Variants in SLIT3 observed in about 807,000 individuals in gnomAD.
The protein encoded by SLIT3 is slit homolog 3 protein.
In SLIT3, 68 loss-of-function variants were observed where a neutral mutation model predicts 184.0. The ratio of observed to expected loss-of-function variants is 0.37; its 90% CI spans 0.30 to 0.45. The LOEUF (loss-of-function observed/expected upper bound fraction) is 0.45, where lower values mean the gene tolerates loss of function less well. Ranked by LOEUF, SLIT3 falls within the 20% of genes least tolerant of loss-of-function variation. SLIT3 has a pLI of 1.00. For missense variants in SLIT3, 1,707 were observed against 2,026.0 expected (o/e 0.84, Z 3.02); for synonymous variants, 831 against 828.6 (o/e 1.00, Z -0.05).
intron 4 of SLIT3, among the ~76,000 whole-genome samples, chr5:168,952,643 G>C (rs1252777154): frequency 6.6e-6 from 1 of 150,378 alleles, no homozygotes; most frequent in Non-Finnish European, 1.5e-5. Flanking sequence ...AGAAAGAAAG[G>C]GCAAGGGTAG....
chr5:168,952,266 T>C (rs898656820), intron 4 of SLIT3, among the ~76,000 whole-genome samples: 2 of 152,174 alleles, frequency 1.3e-5, no homozygotes, highest in African/African-American at 4.8e-5. Context: ...CATAAATATA[T>C]GCAAAGACCA....
intron 16 of SLIT3, among the ~76,000 whole-genome samples, 193 bp from the exon 17 acceptor site, chr5:168,754,200 TG>T (rs1361012569): frequency 6.6e-6 from 1 of 152,176 alleles, no homozygotes; most frequent in Non-Finnish European, 1.5e-5. Flanking sequence ...GCAGGGACCC[TG>T]GCCCTATACA....
chr5:168,711,707 C>T (rs965803883), intron 24 of SLIT3, among the ~76,000 whole-genome samples: 1 of 152,114 alleles, frequency 6.6e-6, no homozygotes, highest in African/African-American at 2.4e-5. Flanking sequence ...GTAGAGATTC[C>T]TGATCTGTGG....
intron 4 of SLIT3, among the ~76,000 whole-genome samples, chr5:169,040,621 A>G (rs1757415834): frequency 6.6e-6 from 1 of 152,204 alleles, no homozygotes; most frequent in Admixed American, 6.5e-5. Context: ...ATGTATCTTC[A>G]TCTGGATTCC....
intron 3 of SLIT3, among the ~76,000 whole-genome samples, chr5:169,239,387 A>T (rs188990327): frequency 6.6e-6 from 1 of 152,248 alleles, no homozygotes. Flanking sequence ...ATGAGTTTGT[A>T]TTAAGTTGCT....
At chr5:169,151,725 C>T (rs1018727226) in intron 4 of SLIT3, among the ~76,000 whole-genome samples, 2 of 152,328 alleles carry the variant, frequency 1.3e-5, no homozygotes, top group Non-Finnish European at 1.5e-5. Context: ...GTACTAGGGT[C>T]GGCTCCTTTT....
At chr5:168,763,799 C>T (rs1422729855) in intron 14 of SLIT3, among the ~76,000 whole-genome samples, 1 of 152,180 alleles carries the variant, frequency 6.6e-6, no homozygotes, top group Non-Finnish European at 1.5e-5. Flanking sequence ...CAACATTTCA[C>T]TAGCACAATG....
rs1242774563 is a variant in SLIT3 at position 168,671,314 on chromosome 5, C to A, written c.4011G>T (p.Val1337=). ...CGGAGCGGCACAGGCCGTGCTTGCA[C>A]ACGGTGCAGGACTTGCAGCCTGGTG... ...GVSPGCKSCT[V]CKHGLCRSVE... is the part of the protein sequence containing the mutation. The change falls in exon 34 of 36, where the codon GTG becomes GTT. Residue 1337 remains valine (V), a synonymous_variant. Coordinates refer to ENST00000519560, the MANE Select transcript of SLIT3 (RefSeq NM_003062.4). The A allele has an allele frequency of 1.2e-6, 2 of 1,614,000 alleles. No individual in the cohort carries two copies. The highest frequency in any genetic ancestry group is 4.5e-5 in the East Asian group (2 of 44,886).
intron 3 of SLIT3, among the ~76,000 whole-genome samples, chr5:169,233,439 C>A (rs1765082324): frequency 6.7e-6 from 1 of 149,806 alleles, no homozygotes; most frequent in Non-Finnish European, 1.5e-5. Context: ...ACCTTGTGTC[C>A]AGTGACCTTA....
At chr5:168,731,599 A>G (rs1019810077) in intron 20 of SLIT3, among the ~76,000 whole-genome samples, 1 of 152,082 alleles carries the variant, frequency 6.6e-6, no homozygotes, top group Non-Finnish European at 1.5e-5. Flanking sequence ...TCAAAAAGAT[A>G]ATAGACCATG....
At chr5:168,830,169 T>C (rs35758541) in intron 6 of SLIT3, among the ~76,000 whole-genome samples, 54,535 of 151,842 alleles carry the variant, frequency 0.36, 10,243 homozygotes, top group South Asian at 0.47. Context: ...GTGGACTTGG[T>C]CCCAGGAGAG....
At chr5:168,727,549 A>T (rs537491717) in intron 20 of SLIT3, among the ~76,000 whole-genome samples, 1 of 152,266 alleles carries the variant, frequency 6.6e-6, no homozygotes, top group East Asian at 1.9e-4. Context: ...GACAGGGTAG[A>T]TCACGCTGAG....
intron 19 of SLIT3, 150 bp downstream of exon 19, chr5:168,749,322 G>C (rs28608684): frequency 6.2e-6 from 5 of 812,964 alleles, no homozygotes; most frequent in Non-Finnish European, 9.6e-6. Context: ...ATGTGGGCTA[G>C]TAGCAGATCT....
intron 28 of SLIT3, among the ~76,000 whole-genome samples, chr5:168,694,856 T>G (rs1762006466): frequency 6.6e-6 from 1 of 152,192 alleles, no homozygotes; most frequent in Admixed American, 6.5e-5. Context: ...TGATCTCAGG[T>G]GATCTGCCTG....
intron 1 of SLIT3, among the ~76,000 whole-genome samples, chr5:169,281,159 G>C (rs1766979021): frequency 6.6e-6 from 1 of 152,180 alleles, no homozygotes; most frequent in Non-Finnish European, 1.5e-5. Context: ...ACTAGAAATA[G>C]ATTTGTATAT....
intron 8 of SLIT3, among the ~76,000 whole-genome samples, chr5:168,810,769 G>A (rs1757134284): frequency 6.6e-6 from 1 of 152,182 alleles, no homozygotes; most frequent in African/African-American, 2.4e-5. Context: ...GAGCCTGGGA[G>A]AATGGAGGCC....
At chr5:168,671,107 A>G (rs2113170964) in intron 34 of SLIT3, 91 bp downstream of exon 34, 3 of 1,414,650 alleles carry the variant, frequency 2.1e-6, no homozygotes, top group African/African-American at 2.8e-5. Flanking sequence ...CAACTCCTCC[A>G]GCCTCCAGTA....
At chr5:169,075,229 C>A (rs1758695972) in intron 4 of SLIT3, among the ~76,000 whole-genome samples, 1 of 152,082 alleles carries the variant, frequency 6.6e-6, no homozygotes, top group African/African-American at 2.4e-5. Flanking sequence ...GTCATCTTTT[C>A]TTATTCTACA....
chr5:168,825,619 A>G (rs1252724351), intron 6 of SLIT3, among the ~76,000 whole-genome samples: 1 of 152,208 alleles, frequency 6.6e-6, no homozygotes. Flanking sequence ...TATGAAGTTG[A>G]GCCCACTTAG....
Sources: gnomAD v4.1 joint callset for allele counts (sites outside exome capture counted in the v4.1 genomes callset) on GRCh38, gnomAD v4.1.1 for gene constraint, MANE v1.5 for transcripts, NCBI Gene and HGNC (gene_info 2026-07-23, HGNC 2026-07-21) for gene names.